GREB1L: variants seen among roughly 807,000 people sequenced by gnomAD.
GREB1L encodes GREB1 like retinoic acid receptor coactivator, also known as GREB1-like protein.
Under a neutral mutation model 200.8 loss-of-function variants are expected in GREB1L, and 17 were observed. That is an observed-to-expected ratio of 0.08 (90% CI 0.06 to 0.13). GREB1L has a LOEUF of 0.13. Among genes scored for constraint, GREB1L ranks in the 10% least tolerant of loss-of-function variants. The pLI, the probability that GREB1L is intolerant of heterozygous loss-of-function variation, is 1.00. For synonymous variants in GREB1L, 789 were observed against 893.0 expected, an observed-to-expected ratio of 0.88 and a Z score of 2.08; for missense variants, 1,657 against 2,367.7, an observed-to-expected ratio of 0.70 and a Z score of 6.23.
At chr18:21,299,487 C>T (rs2038583851) in intron 1 of GREB1L, among the ~76,000 whole-genome samples, 1 of 150,800 alleles carries the variant, frequency 6.6e-6, no homozygotes, top group Non-Finnish European at 1.5e-5. Flanking sequence ...ACTCATTTTC[C>T]TTAGTTGCTT....
chr18:21,454,017 C>T (rs1385789355), intron 14 of GREB1L, among the ~76,000 whole-genome samples: 3 of 152,144 alleles, frequency 2.0e-5, no homozygotes, highest in Non-Finnish European at 2.9e-5. Context: ...GAAATGCTAC[C>T]CTTTCCAGGG....
chr18:21,454,060 C>T (rs548744472), intron 14 of GREB1L, among the ~76,000 whole-genome samples: 1 of 152,290 alleles, frequency 6.6e-6, no homozygotes, highest in Admixed American at 6.5e-5. Flanking sequence ...ACAGTGTAGT[C>T]GGTCTCCTCC....
intron 1 of GREB1L, among the ~76,000 whole-genome samples, chr18:21,283,750 A>G (rs565328301): frequency 1.3e-5 from 2 of 152,274 alleles, no homozygotes; most frequent in African/African-American, 2.4e-5. Context: ...TTCTGAAATG[A>G]CTAGCTATTT....
At position 21,461,319 on chromosome 18, in the gene GREB1L, C is replaced by A. The variant is rs374316850; in HGVS notation, c.2182+6756C>A. 2.0e-4 allele frequency among the ~76,000 whole-genome samples: 31 copies of A among 152,166 alleles called. No homozygotes were observed. The Middle Eastern group carries it at 0.01, about 50-fold the overall frequency. ...TCTCATTGCTTCAACTTTTTTCTCT[C>A]TGGGGTCTCGTTCCATCAGTGTCAA... On this transcript the variant is annotated intron_variant, in intron 15 of 32. Coordinates refer to ENST00000424526, the MANE Select transcript of GREB1L (RefSeq NM_001142966.3).
intron 6 of GREB1L, among the ~76,000 whole-genome samples, chr18:21,402,322 A>C (rs1170792697): frequency 6.6e-6 from 1 of 152,086 alleles, no homozygotes; most frequent in Non-Finnish European, 1.5e-5. Flanking sequence ...TTTTGGTTGC[A>C]TAAAATATTT....
intron 1 of GREB1L, among the ~76,000 whole-genome samples, chr18:21,244,339 G>A (rs2037560540): frequency 1.3e-5 from 2 of 152,150 alleles, no homozygotes; most frequent in Admixed American, 6.5e-5. Flanking sequence ...CTGAAAGGGC[G>A]TGTGTATACT....
chr18:21,398,635 A>G (rs1293894346), intron 5 of GREB1L, among the ~76,000 whole-genome samples: 5 of 152,216 alleles, frequency 3.3e-5, no homozygotes, highest in Non-Finnish European at 7.3e-5. Context: ...CTTAAAGTGG[A>G]TGATTTTCGT....
chr18:21,363,297 C>G (rs1460552600), intron 1 of GREB1L, among the ~76,000 whole-genome samples: 4 of 113,154 alleles, frequency 3.5e-5, no homozygotes, highest in South Asian at 4.1e-4. Flanking sequence ...GCCCCCCCCC[C>G]CCCACACACA....
At chr18:21,367,162 A>T (rs1227759957) in intron 2 of GREB1L, among the ~76,000 whole-genome samples, 1 of 152,212 alleles carries the variant, frequency 6.6e-6, no homozygotes, top group Non-Finnish European at 1.5e-5. Context: ...TAAAAGGAGC[A>T]GCCTCCTAAA....
chr18:21,412,566 T>C (rs1042153178), intron 7 of GREB1L, among the ~76,000 whole-genome samples: 3 of 152,206 alleles, frequency 2.0e-5, no homozygotes, highest in African/African-American at 7.2e-5. Context: ...ATTATTTCAT[T>C]TCTATTACAT....
rs567013651 is a variant in GREB1L, at chr18:21,466,158, A to T, written c.2183-6873A>T. Among the ~76,000 whole-genome samples the T allele has an allele frequency of 4.4e-4, 67 of 152,242 alleles. 2 individuals are homozygous for T. Among genetic ancestry groups the T allele is most frequent in the Admixed American group, 9.2e-4 (14 of 15,290 alleles). On this transcript the variant is annotated intron_variant, in intron 15 of 32. Coordinates refer to ENST00000424526, the MANE Select transcript of GREB1L (RefSeq NM_001142966.3). ...TTTTACTGATTTTTAGTATTCTTTT[A>T]TATAAATACATCACATATCTTTTAA...
At chr18:21,519,461 AAAAAC>A (rs1402432867) in intron 31 of GREB1L, among the ~76,000 whole-genome samples, 3 of 152,142 alleles carry the variant, frequency 2.0e-5, no homozygotes, top group African/African-American at 4.8e-5. Flanking sequence ...CCATCTCAAA[AAAAAC>A]AAAACAAACC....
At chr18:21,390,744 C>A (rs1266324916) in intron 4 of GREB1L, among the ~76,000 whole-genome samples, 1 of 152,072 alleles carries the variant, frequency 6.6e-6, no homozygotes, top group African/African-American at 2.4e-5. Context: ...ACCATATTGG[C>A]CAGGATGGTC....
rs554492518 is a variant in GREB1L, at chr18:21,245,439, C to G, written c.-120+3046C>G. On this transcript the variant is annotated intron_variant, in intron 1 of 32. Transcript: ENST00000424526. ...ACAGAAACAAAAGAAAATTCAATAC[C>G]AGTAGTGAAATTCTTCAAAATGGTA... Among the ~76,000 whole-genome samples the G allele has an allele frequency of 7.2e-5, 11 of 152,104 alleles. No individual in the cohort carries two copies. In the East Asian group the frequency reaches 1.7e-3, roughly 24 times the overall value.
chr18:21,347,913 CGTG>C (rs1567946191), intron 1 of GREB1L, among the ~76,000 whole-genome samples: 101 of 145,508 alleles, frequency 6.9e-4, no homozygotes, highest in South Asian at 1.8e-3. Context: ...ACTACAAGCA[CGTG>C]CCACCACACT....
chr18:21,355,322 T>C (rs957961586), intron 1 of GREB1L, among the ~76,000 whole-genome samples: 1 of 152,004 alleles, frequency 6.6e-6, no homozygotes, highest in African/African-American at 2.4e-5. Flanking sequence ...GCCTCCCAAG[T>C]AGCTGGGACT....
chr18:21,522,515 TAATAA>T (rs1160422075), intron 32 of GREB1L, 138 bp from the exon 33 acceptor site: 21 of 648,896 alleles, frequency 3.2e-5, no homozygotes, highest in South Asian at 1.7e-4. Context: ...CAAAACTACT[TAATAA>T]AATAAAACAA....
chr18:21,473,465 AG>A (rs1285688797), intron 16 of GREB1L, among the ~76,000 whole-genome samples: 1 of 149,618 alleles, frequency 6.7e-6, no homozygotes, highest in Non-Finnish European at 1.5e-5. Context: ...AGTACTTGGG[AG>A]GCTGAGGCAG....
intron 1 of GREB1L, among the ~76,000 whole-genome samples, chr18:21,334,048 C>T (rs2039148149): frequency 1.3e-5 from 2 of 151,974 alleles, no homozygotes; most frequent in African/African-American, 2.4e-5. Flanking sequence ...CCCTACCTTT[C>T]CTAGGGCCCC....
Sources: gnomAD v4.1 joint callset for allele counts (sites outside exome capture counted in the v4.1 genomes callset) on GRCh38, gnomAD v4.1.1 for gene constraint, MANE v1.5 for transcripts, NCBI Gene and HGNC (gene_info 2026-07-23, HGNC 2026-07-21) for gene names.